Variants in MXI1 observed in about 807,000 individuals in gnomAD.
MXI1 encodes the protein MAX interactor 1, dimerization protein, also known as max-interacting protein 1.
A neutral mutation model predicts 36.9 loss-of-function variants in MXI1; 18 were observed. The ratio of observed to expected loss-of-function variants is 0.49; its 90% CI spans 0.34 to 0.72. The LOEUF is 0.72. MXI1 is among the 30% of genes least tolerant of loss of function. MXI1 has a pLI of 0.01. For missense variants in MXI1, 304 were observed against 379.1 expected, an observed-to-expected ratio of 0.80 and a Z score of 1.64; for synonymous variants, 160 against 146.7, an observed-to-expected ratio of 1.09 and a Z score of -0.65.
At chr10:110,284,738 A>T in intron 5 of MXI1, 86 bp from the exon 6 acceptor site, 2 of 1,197,126 alleles carry the variant, frequency 1.7e-6, no homozygotes, top group South Asian at 1.6e-5. Flanking sequence ...AACATTTCTT[A>T]TACCTCTTTT....
chr10:110,227,620 A>C, intron 1 of MXI1: 13 of 863,132 alleles, frequency 1.5e-5, no homozygotes, highest in South Asian at 5.3e-5. Flanking sequence ...GAGAACACTG[A>C]GCGGGGGAAA....
chr10:110,223,467 G>A (rs1854870661), intron 1 of MXI1, among the ~76,000 whole-genome samples: 1 of 152,034 alleles, frequency 6.6e-6, no homozygotes, highest in Admixed American at 6.6e-5. Flanking sequence ...TGTAACCCCA[G>A]CTACTTGGGA....
Position 110,279,237 on chromosome 10 carries a change from A to G in MXI1, c.495A>G (p.Pro165=), listed in dbSNP as rs35107969. The change falls in exon 4 of 6, where the codon CCA becomes CCG. Residue 165 remains proline (P), a synonymous_variant. Transcript: ENST00000332674. The stretch of plus-strand genomic sequence containing the variant: ...TAAAAGTTCTGATTCCACTAGGACC[A>G]GACTGCACCCGGCACACAACACTTG... ...ERLKVLIPLG[P]DCTRHTTLGL... 13 of 1,614,238 alleles carry G rather than the reference A, an allele frequency of 8.1e-6. No individual in the cohort carries two copies. The African/African-American group carries it at 1.5e-4, about 18-fold the overall frequency.
intron 1 of MXI1, chr10:110,225,925 C>G: frequency 1.3e-6 from 1 of 786,600 alleles, no homozygotes; most frequent in African/African-American, 1.9e-5. Flanking sequence ...TCCCAGGGGG[C>G]AGAGGCAGGG....
chr10:110,239,432 G>A (rs955882240), intron 2 of MXI1, among the ~76,000 whole-genome samples: 2 of 152,158 alleles, frequency 1.3e-5, no homozygotes, highest in African/African-American at 2.4e-5. Context: ...CACTGCTTTA[G>A]CTACATTCAA....
chr10:110,223,705 G>C (rs1854880494), intron 1 of MXI1, among the ~76,000 whole-genome samples: 1 of 152,102 alleles, frequency 6.6e-6, no homozygotes, highest in African/African-American at 2.4e-5. Context: ...TGAGGGTGAA[G>C]GGAGGTTGTT....
intron 3 of MXI1, among the ~76,000 whole-genome samples, chr10:110,258,567 A>G (rs1274436044): frequency 6.6e-6 from 1 of 152,190 alleles, no homozygotes; most frequent in Non-Finnish European, 1.5e-5. Context: ...TTTGTATGCA[A>G]GTAAATGAAT....
intron 1 of MXI1, among the ~76,000 whole-genome samples, chr10:110,214,626 C>G (rs948594788): frequency 8.5e-5 from 12 of 141,382 alleles, no homozygotes; most frequent in African/African-American, 3.1e-4. Flanking sequence ...TGCCTCCCTA[C>G]CCCACCCCCT....
At chr10:110,225,302 T>C (rs1167292849) in intron 1 of MXI1, among the ~76,000 whole-genome samples, 1 of 152,152 alleles carries the variant, frequency 6.6e-6, no homozygotes, top group East Asian at 1.9e-4. Context: ...TGAACCAAAC[T>C]GTTCCGCACC....
intron 3 of MXI1, among the ~76,000 whole-genome samples, chr10:110,249,033 A>G (rs2134402386): frequency 6.6e-6 from 1 of 152,266 alleles, no homozygotes; most frequent in South Asian, 2.1e-4. Flanking sequence ...TTTACATTTT[A>G]AGGCCCCCAT....
rs1003982327 is a variant in MXI1 at position 110,207,875 on chromosome 10, C to A, written c.67C>A (p.Pro23Thr). The change falls in exon 1 of 6, where the codon CCC becomes ACC. Residue 23 changes from proline to threonine, a missense_variant. Physicochemically the swap from Pro to Thr is conservative, Grantham distance 38. Around this residue, in one of 2 missense-constraint regions of MXI1, gnomAD observed 179 missense variants for 184.8 expected, o/e 0.97. Transcript: ENST00000332674. ...CEGAGLAPAA[P>T]PAVPPAVAAP... The stretch of plus-strand genomic sequence containing the variant: ...GGGCGCGGGGCTGGCCCCCGCCGCG[C>A]CCCCGGCTGTGCCCCCCGCCGTGGC... 51 of 1,242,394 alleles carry A rather than the reference C, an allele frequency of 4.1e-5. No individual in the cohort carries two copies. The highest frequency in any genetic ancestry group is 7.8e-5 in the South Asian group (3 of 38,690). 77.0% of individuals were successfully genotyped at this position (1,242,394 alleles called of 1,614,324 possible).
chr10:110,211,460 C>T (rs112724278), intron 1 of MXI1, among the ~76,000 whole-genome samples: 6 of 152,320 alleles, frequency 3.9e-5, no homozygotes, highest in African/African-American at 1.2e-4. Flanking sequence ...AGTGTCGGGC[C>T]CCGATTCTCC....
intron 3 of MXI1, among the ~76,000 whole-genome samples, chr10:110,272,082 A>G (rs572432830): frequency 6.6e-6 from 1 of 152,326 alleles, no homozygotes; most frequent in South Asian, 2.1e-4. Flanking sequence ...GATTTGCTGT[A>G]GCAGTTTGAA....
chr10:110,220,403 C>T (rs1035704337), intron 1 of MXI1, among the ~76,000 whole-genome samples: 4 of 152,182 alleles, frequency 2.6e-5, no homozygotes, highest in African/African-American at 9.7e-5. Flanking sequence ...ATCAGCTATA[C>T]CTTGGACAGG....
At chr10:110,257,765 A>G (rs1450691249) in intron 3 of MXI1, 9 of 294,976 alleles carry the variant, frequency 3.1e-5, no homozygotes, top group Admixed American at 3.7e-5. Context: ...AGCCTGCTCT[A>G]TCCAGAGACG....
intron 2 of MXI1, among the ~76,000 whole-genome samples, chr10:110,239,257 C>T (rs1037262810): frequency 1.2e-4 from 18 of 152,166 alleles, no homozygotes; most frequent in Non-Finnish European, 2.9e-5. Flanking sequence ...CAGACATTGT[C>T]AGATGTGTTG....
chr10:110,226,065 C>T, intron 1 of MXI1: 1 of 1,014,606 alleles, frequency 9.9e-7, no homozygotes, highest in Non-Finnish European at 1.2e-6. Context: ...GCAGGGGCGG[C>T]GGAGAGCGCG....
intron 4 of MXI1, among the ~76,000 whole-genome samples, 174 bp downstream of exon 4, chr10:110,279,468 TTAAAC>T (rs759283026): frequency 3.9e-5 from 6 of 152,260 alleles, no homozygotes; most frequent in Non-Finnish European, 5.9e-5. Flanking sequence ...CATAACCTGA[TTAAAC>T]TAAATTGTTT....
At chr10:110,270,019 C>T (rs1298592299) in intron 3 of MXI1, among the ~76,000 whole-genome samples, 1 of 152,170 alleles carries the variant, frequency 6.6e-6, no homozygotes, top group Non-Finnish European at 1.5e-5. Flanking sequence ...AAAAAATATT[C>T]TCTCCCATCG....
Sources: allele counts gnomAD v4.1 joint callset (sites outside exome capture counted in the v4.1 genomes callset), GRCh38; gene constraint gnomAD v4.1.1; regional missense constraint gnomAD v4.1.1; transcripts MANE v1.5; gene names NCBI Gene and HGNC (gene_info 2026-07-23, HGNC 2026-07-21).